The following SAMD12 variants were observed in gnomAD, a reference collection of about 807,000 sequenced individuals.
SAMD12 encodes the protein sterile alpha motif domain-containing protein 12.
SAMD12 carries 9 observed loss-of-function variants against 15.0 expected under a neutral mutation model. The observed-to-expected ratio is 0.60, with a 90% CI of 0.36 to 1.05. The LOEUF (loss-of-function observed/expected upper bound fraction) is 1.05. Among genes scored for constraint, SAMD12 ranks in the 50% least tolerant of loss-of-function variants. SAMD12 has a pLI of 0.01. For synonymous variants in SAMD12, 86 were observed against 90.1 expected, an observed-to-expected ratio of 0.96 and a Z score of 0.25; for missense variants, 230 against 234.2, an observed-to-expected ratio of 0.98 and a Z score of 0.12.
In SAMD12 at chr8:118,333,975, C is replaced by CTGTGTG. The variant is rs777240048; in HGVS notation, c.433+45579_433+45584dup. Among the ~76,000 whole-genome samples, 132 of 144,738 alleles carry CTGTGTG rather than the reference C, an allele frequency of 9.1e-4. 3 individuals are homozygous for CTGTGTG. In the East Asian group the frequency reaches 0.021, roughly 23 times the overall value. The allele number at this position is 144,738 out of a possible 152,430, so 95.0% of individuals were successfully genotyped here. A position where few individuals can be genotyped will look rare whatever the true frequency, so the allele number is the denominator to read the frequency against. ...ACATTGGCGGGGGGCAGGGGTGTGT[C>CTGTGTG]TGTGTGTGTGTGTGTGTGTGGGAGG... On this transcript the variant is annotated intron_variant, in intron 4 of 4. Coordinates refer to the SAMD12 transcript ENST00000409003.
intron 1 of SAMD12, among the ~76,000 whole-genome samples, chr8:118,603,637 A>G (rs1383892896): frequency 6.6e-6 from 1 of 152,218 alleles, no homozygotes; most frequent in African/African-American, 2.4e-5. Flanking sequence ...ATCAAAACCA[A>G]GGTGAAAACA....
chr8:118,193,545 C>T (rs993004116), exon 5 of SAMD12: 4 of 152,176 alleles, frequency 2.6e-5, no homozygotes, highest in African/African-American at 9.7e-5. Context: ...GTCCTCCTTC[C>T]TGATCTCAGG....
At chr8:118,264,738 G>T (rs1813159141) in intron 4 of SAMD12, among the ~76,000 whole-genome samples, 1 of 152,142 alleles carries the variant, frequency 6.6e-6, no homozygotes, top group Non-Finnish European at 1.5e-5. Context: ...CCTGGCTGGA[G>T]AACTGTTGGA....
chr8:118,266,608 CAAAT>C (rs1296447047), intron 4 of SAMD12, among the ~76,000 whole-genome samples: 3 of 152,004 alleles, frequency 2.0e-5, no homozygotes, highest in Non-Finnish European at 2.9e-5. Flanking sequence ...CAGTGAGGAA[CAAAT>C]AAAGAAAATG....
intron 3 of SAMD12, among the ~76,000 whole-genome samples, chr8:118,403,330 A>G (rs1458748527): frequency 1.3e-5 from 2 of 152,132 alleles, no homozygotes; most frequent in African/African-American, 2.4e-5. Flanking sequence ...ACTTTTATAA[A>G]TATTATGTAC....
At chr8:118,468,815 G>A (rs971297442) in intron 2 of SAMD12, among the ~76,000 whole-genome samples, 1 of 152,158 alleles carries the variant, frequency 6.6e-6, no homozygotes, top group African/African-American at 2.4e-5. Flanking sequence ...GTGCAGAGAA[G>A]GGAGGTACAA....
chr8:118,472,321 G>A (rs60786064), intron 2 of SAMD12, among the ~76,000 whole-genome samples: 3,316 of 151,730 alleles, frequency 0.022, 118 homozygotes, highest in African/African-American at 0.076. Context: ...ACATAATAAT[G>A]CCAAGCACCT....
At chr8:118,406,976 A>AT (rs1159068999) in intron 3 of SAMD12, among the ~76,000 whole-genome samples, 1 of 151,440 alleles carries the variant, frequency 6.6e-6, no homozygotes, top group Non-Finnish European at 1.5e-5. Context: ...TTACTTTTAC[A>AT]TCTTGGCTAT....
chr8:118,447,704 A>ATTTT (rs1822957519), intron 2 of SAMD12, among the ~76,000 whole-genome samples: 1 of 138,258 alleles, frequency 7.2e-6, no homozygotes, highest in African/African-American at 2.7e-5. Context: ...TTTATTTTTA[A>ATTTT]TATTTATTTA....
At chr8:118,187,260 T>C (rs1563684017), downstream of SAMD12, among the ~76,000 whole-genome samples, 1 of 152,228 alleles carries the variant, frequency 6.6e-6, no homozygotes, top group Non-Finnish European at 1.5e-5. Flanking sequence ...AGCTTGTTTT[T>C]AGTTAATTTT....
At chr8:118,452,621 C>G (rs973925116) in intron 2 of SAMD12, among the ~76,000 whole-genome samples, 1 of 152,114 alleles carries the variant, frequency 6.6e-6, no homozygotes, top group Non-Finnish European at 1.5e-5. Flanking sequence ...ATTATTTAAG[C>G]AATTTTTACA....
intron 3 of SAMD12, among the ~76,000 whole-genome samples, chr8:118,435,102 C>CAAA (rs746295945): frequency 8.3e-6 from 1 of 120,252 alleles, no homozygotes; most frequent in African/African-American, 3.5e-5. Flanking sequence ...GACTCCATCT[C>CAAA]AAAAAAAAAA....
At chr8:118,611,158 A>G (rs374759679) in intron 1 of SAMD12, among the ~76,000 whole-genome samples, 3 of 152,220 alleles carry the variant, frequency 2.0e-5, no homozygotes, top group South Asian at 2.1e-4. Flanking sequence ...TCTACCTAGC[A>G]TATAGTAGGT....
chr8:118,522,053 C>A (rs1053317788), intron 2 of SAMD12, among the ~76,000 whole-genome samples: 1 of 152,012 alleles, frequency 6.6e-6, no homozygotes, highest in Non-Finnish European at 1.5e-5. Context: ...CCACCATTCC[C>A]ACAATTGTGA....
At chr8:118,191,977 T>C (rs1271899192) in exon 5 of SAMD12, 3 of 151,068 alleles carry the variant, frequency 2.0e-5, no homozygotes, top group African/African-American at 7.3e-5. Context: ...GATAATTTCA[T>C]GGCATTTTTG....
chr8:118,552,397 C>A (rs1826366026), intron 2 of SAMD12, among the ~76,000 whole-genome samples: 1 of 152,110 alleles, frequency 6.6e-6, no homozygotes, highest in Non-Finnish European at 1.5e-5. Context: ...AAATGTAATC[C>A]AGCATATAAA....
intron 4 of SAMD12, among the ~76,000 whole-genome samples, chr8:118,269,196 C>T (rs1813277660): frequency 9.5e-6 from 1 of 104,778 alleles, no homozygotes; most frequent in African/African-American, 4.2e-5. Flanking sequence ...TGCTTTTGTT[C>T]TCTCTCTCTC....
At chr8:118,157,693 G>T in the SAMD12 span, among the ~76,000 whole-genome samples, 1 of 152,174 alleles carries the variant, frequency 6.6e-6, no homozygotes, top group Non-Finnish European at 1.5e-5. Context: ...TTTTTACAAT[G>T]TTGCAATTAG....
chr8:118,516,885 C>G (rs568720015), intron 2 of SAMD12, among the ~76,000 whole-genome samples: 2 of 152,118 alleles, frequency 1.3e-5, no homozygotes, highest in Non-Finnish European at 2.9e-5. Context: ...GCAATCCACC[C>G]GCCTCGGCCT....
Sources: gnomAD v4.1 joint callset for allele counts (sites outside exome capture counted in the v4.1 genomes callset) on GRCh38, gnomAD v4.1.1 for gene constraint, MANE v1.5 for transcripts, NCBI Gene and HGNC (gene_info 2026-07-23, HGNC 2026-07-21) for gene names.